CA10: variants seen among roughly 807,000 people sequenced by gnomAD.
The protein encoded by CA10 is carbonic anhydrase-related protein 10.
CA10 carries 14 observed loss-of-function variants against 44.2 expected under a neutral mutation model. The observed-to-expected ratio is 0.32, with a 90% CI of 0.21 to 0.50. The LOEUF (loss-of-function observed/expected upper bound fraction) is 0.50, where lower values mean the gene tolerates loss of function less well. CA10 is among the 20% of genes least tolerant of loss of function. The pLI is 0.99. For synonymous variants in CA10, 159 were observed against 141.6 expected, an observed-to-expected ratio of 1.12 and a Z score of -0.87; for missense variants, 350 against 409.7, an observed-to-expected ratio of 0.85 and a Z score of 1.26.
intron 3 of CA10, among the ~76,000 whole-genome samples, chr17:51,879,381 T>C (rs931439081): frequency 1.5e-4 from 23 of 152,228 alleles, no homozygotes; most frequent in Non-Finnish European, 2.9e-4. Context: ...CTACTCATCT[T>C]TCTTACTGCT....
chr17:51,992,230 T>C (rs1169329645), intron 2 of CA10, among the ~76,000 whole-genome samples: 2 of 152,120 alleles, frequency 1.3e-5, no homozygotes, highest in Non-Finnish European at 2.9e-5. Flanking sequence ...GGAGTTACAA[T>C]ACCCCTCTTA....
chr17:51,735,439 AGTAC>A (rs1205610784), intron 4 of CA10, among the ~76,000 whole-genome samples: 1 of 152,156 alleles, frequency 6.6e-6, no homozygotes, highest in Non-Finnish European at 1.5e-5. Flanking sequence ...TACTATGCTC[AGTAC>A]CTGGGTGATG....
At chr17:51,922,461 T>C (rs1982271629) in intron 3 of CA10, among the ~76,000 whole-genome samples, 1 of 152,188 alleles carries the variant, frequency 6.6e-6, no homozygotes, top group Non-Finnish European at 1.5e-5. Context: ...GTGCTCCTCA[T>C]TTTCTGGAAA....
At chr17:52,155,306 T>C (rs934206147) in intron 1 of CA10, among the ~76,000 whole-genome samples, 1 of 152,204 alleles carries the variant, frequency 6.6e-6, no homozygotes, top group Non-Finnish European at 1.5e-5. Flanking sequence ...GATTCTATGA[T>C]CACAGGGTTA....
chr17:51,863,028 T>C (rs929370766), intron 3 of CA10, among the ~76,000 whole-genome samples: 4 of 152,174 alleles, frequency 2.6e-5, no homozygotes, highest in African/African-American at 7.2e-5. Flanking sequence ...AGCAAAGGTG[T>C]GGCAACTTAC....
Position 51,977,093 on chromosome 17 carries a change from G to A in CA10, c.137-45961C>T, listed in dbSNP as rs1259647211. On this transcript the variant is annotated intron_variant, in intron 2 of 8. Coordinates refer to ENST00000451037, the MANE Select transcript of CA10 (RefSeq NM_020178.5). Reference sequence around the variant, plus strand: ...ATTCTTAGGCACAAATGGCTTCACTGGTGAATACTATCAAATATTTAAGAG... The same window carrying A: ...ATTCTTAGGCACAAATGGCTTCACTAGTGAATACTATCAAATATTTAAGAG... 6.6e-5 allele frequency among the ~76,000 whole-genome samples: 10 copies of A among 151,978 alleles called. 2 individuals carry two copies. The highest frequency in any genetic ancestry group is 2.4e-4 in the African/African-American group (10 of 41,498).
At chr17:52,072,192 G>A (rs1987696934) in intron 2 of CA10, 127 bp downstream of exon 2, 4 of 624,336 alleles carry the variant, frequency 6.4e-6, no homozygotes, top group Non-Finnish European at 1.1e-5. Flanking sequence ...ACTTTGTCTT[G>A]ATGGAGTATT....
rs1388181040 is a variant in CA10 at position 51,636,773 on chromosome 17, TTTTGTGTGTGTGTGTGTG to T, written c.635-782_635-765del. On this transcript the variant is annotated intron_variant, in intron 6 of 8. Transcript: ENST00000451037. Reference sequence around the variant, plus strand: ...TATGGTTAAGCTCAACAACTGATTATTTTGTGTGTGTGTGTGTGTGTGTGTGTGTGTGTGTGTGTATTT... The same window carrying T: ...TATGGTTAAGCTCAACAACTGATTATTGTGTGTGTGTGTGTGTGTGTATTT... Among the ~76,000 whole-genome samples, 3 of 45,686 alleles carry T rather than the reference TTTTGTGTGTGTGTGTGTG, an allele frequency of 6.6e-5. No homozygotes were observed. In the Admixed American group the frequency reaches 7.4e-4, roughly 11 times the overall value. 30.0% of individuals were successfully genotyped at this position (45,686 alleles called of 152,430 possible). A position where few individuals can be genotyped will look rare whatever the true frequency, so the allele number is the denominator to read the frequency against.
At chr17:51,960,908 G>C (rs759131557) in intron 2 of CA10, among the ~76,000 whole-genome samples, 3 of 152,138 alleles carry the variant, frequency 2.0e-5, no homozygotes, top group Non-Finnish European at 4.4e-5. Context: ...TCAAACATGA[G>C]TCTAGGTATT....
intron 3 of CA10, among the ~76,000 whole-genome samples, chr17:51,914,053 C>T (rs1319681470): frequency 6.6e-6 from 1 of 152,050 alleles, no homozygotes; most frequent in African/African-American, 2.4e-5. Flanking sequence ...AGAGACAGGC[C>T]ATTTACACTG....
chr17:52,140,321 T>C (rs1286429161), intron 1 of CA10, among the ~76,000 whole-genome samples: 3 of 152,310 alleles, frequency 2.0e-5, no homozygotes, highest in South Asian at 4.1e-4. Flanking sequence ...AAGGGACAGA[T>C]AGAAAGTAAT....
chr17:51,698,300 C>A (rs1915471111), intron 4 of CA10, among the ~76,000 whole-genome samples: 1 of 152,226 alleles, frequency 6.6e-6, no homozygotes, highest in African/African-American at 2.4e-5. Context: ...GCGTGTGCTC[C>A]AAGCCTTTCA....
chr17:51,656,108 C>T (rs566947138), intron 4 of CA10, among the ~76,000 whole-genome samples: 1 of 152,214 alleles, frequency 6.6e-6, no homozygotes, highest in African/African-American at 2.4e-5. Flanking sequence ...GAACAAAACA[C>T]ACCCTGCCAT....
intron 1 of CA10, among the ~76,000 whole-genome samples, chr17:52,076,554 C>G (rs1987824533): frequency 6.6e-6 from 1 of 152,148 alleles, no homozygotes; most frequent in African/African-American, 2.4e-5. Flanking sequence ...CTATCAATTA[C>G]AAAATTTAAT....
chr17:52,071,144 C>A (rs960668219), intron 2 of CA10, among the ~76,000 whole-genome samples: 1 of 152,180 alleles, frequency 6.6e-6, no homozygotes, highest in African/African-American at 2.4e-5. Flanking sequence ...ATTGTTATAT[C>A]ATTAGAAACC....
intron 6 of CA10, among the ~76,000 whole-genome samples, chr17:51,648,267 GC>G (rs1391710620): frequency 6.6e-6 from 1 of 152,198 alleles, no homozygotes; most frequent in Non-Finnish European, 1.5e-5. Flanking sequence ...GGATGTGGGT[GC>G]TTGGATGTTT....
chr17:51,933,459 G>A (rs203094), intron 2 of CA10, among the ~76,000 whole-genome samples: 102,915 of 151,848 alleles, frequency 0.68, 35,229 homozygotes, highest in Non-Finnish European at 0.71. Context: ...GCTGGAAGAG[G>A]CAAGACAATG....
chr17:51,682,208 C>G (rs144665988), intron 4 of CA10, among the ~76,000 whole-genome samples: 1 of 152,142 alleles, frequency 6.6e-6, no homozygotes, highest in African/African-American at 2.4e-5. Flanking sequence ...ATTTGTTTTC[C>G]GGGCAGAGTC....
intron 2 of CA10, among the ~76,000 whole-genome samples, chr17:51,965,431 C>T (rs1401805783): frequency 1.3e-5 from 2 of 151,032 alleles, no homozygotes; most frequent in African/African-American, 2.4e-5. Context: ...TAAAAAAAAC[C>T]TGCAGGCCAT....
Sources: allele counts gnomAD v4.1 joint callset (sites outside exome capture counted in the v4.1 genomes callset), GRCh38; gene constraint gnomAD v4.1.1; transcripts MANE v1.5; gene names NCBI Gene and HGNC (gene_info 2026-07-23, HGNC 2026-07-21).